DENND4A: variants seen among roughly 807,000 people sequenced by gnomAD.
The protein encoded by DENND4A is C-myc promoter-binding protein.
Under a neutral mutation model 199.3 loss-of-function variants are expected in DENND4A, and 70 were observed. That is an observed-to-expected ratio of 0.35 (90% CI 0.29 to 0.43). The LOEUF (loss-of-function observed/expected upper bound fraction) is 0.43, where lower values mean the gene tolerates loss of function less well. Among genes scored for constraint, DENND4A ranks in the 20% least tolerant of loss-of-function variants. The pLI is 1.00. For synonymous variants in DENND4A, 686 were observed against 766.9 expected (o/e 0.89, Z 1.74); for missense variants, 1,723 against 2,255.8 (o/e 0.76, Z 4.78).
chr15:65,669,232 G>A (rs564639114), intron 27 of DENND4A, among the ~76,000 whole-genome samples: 26 of 152,296 alleles, frequency 1.7e-4, no homozygotes, highest in South Asian at 1.0e-3. Flanking sequence ...TACCAATATG[G>A]CTTCATCTGT....
At chr15:65,709,719 A>AAAAAATATATAT (rs1218030026) in intron 14 of DENND4A, among the ~76,000 whole-genome samples, 14 of 51,472 alleles carry the variant, frequency 2.7e-4, no homozygotes, top group East Asian at 3.8e-3. Context: ...AAAAAAAAAA[A>AAAAAATATATAT]ATATATATAT....
chr15:65,661,744 C>T lies in DENND4A; in HGVS notation c.*107G>A. 9.9e-7 allele frequency: 1 copy of T among 1,006,028 alleles called. No homozygotes were observed. The highest frequency in any genetic ancestry group is 2.2e-5 in the South Asian group (1 of 45,062). 62.3% of individuals were successfully genotyped at this position (1,006,028 alleles called of 1,614,324 possible). On this transcript the variant is annotated 3_prime_UTR_variant, in exon 33 of 33. Transcript: ENST00000443035. Reference sequence around the variant, plus strand: ...CTGTCTGAGTCTTTTGAACCATTTACAAATTGTATTTTCAAAAATTGAAGA... The same window carrying T: ...CTGTCTGAGTCTTTTGAACCATTTATAAATTGTATTTTCAAAAATTGAAGA...
chr15:65,678,587 T>C lies in DENND4A; in HGVS notation c.4180-1953A>G, dbSNP rs181199006. Among the ~76,000 whole-genome samples the C allele has an allele frequency of 3.5e-4, 54 of 152,382 alleles. 1 individual carries two copies. In the East Asian group the frequency reaches 9.0e-3, roughly 26 times the overall value. On this transcript the variant is annotated intron_variant, in intron 23 of 32. Coordinates refer to ENST00000443035, the MANE Select transcript of DENND4A (RefSeq NM_001320835.1). ...CCAGGAAAGCTGTTTTACAAATGTT[T>C]GTTGTTTCTAGCCACCTTACCAGTT...
chr15:65,661,757 C>G lies in DENND4A; in HGVS notation c.*94G>C, dbSNP rs1294484439. On this transcript the variant is annotated 3_prime_UTR_variant, in exon 33 of 33. Coordinates refer to ENST00000443035, the MANE Select transcript of DENND4A (RefSeq NM_001320835.1). ...TTGAACCATTTACAAATTGTATTTT[C>G]AAAAATTGAAGAAAAAATATTTAGA... is the stretch of plus-strand genomic sequence containing the variant. The G allele has an allele frequency of 2.2e-5, 25 of 1,159,110 alleles. No individual in the cohort carries two copies. Among genetic ancestry groups the G allele is most frequent in the Non-Finnish European group, 2.8e-5 (24 of 853,468 alleles). 71.8% of individuals were successfully genotyped at this position (1,159,110 alleles called of 1,614,324 possible).
intron 30 of DENND4A, 152 bp from the exon 31 acceptor site, chr15:65,664,874 C>A: frequency 3.0e-6 from 2 of 655,948 alleles, no homozygotes; most frequent in African/African-American, 1.9e-5. Flanking sequence ...ATGAAGAAAG[C>A]AAAAAATAAG....
At chr15:65,787,336 A>G (rs554322572) in intron 1 of DENND4A, among the ~76,000 whole-genome samples, 1 of 152,340 alleles carries the variant, frequency 6.6e-6, no homozygotes, top group South Asian at 2.1e-4. Context: ...TTAACAAAGT[A>G]TATCAGAAAC....
chr15:65,757,741 G>T (rs1334844500), intron 2 of DENND4A, among the ~76,000 whole-genome samples: 1 of 152,152 alleles, frequency 6.6e-6, no homozygotes, highest in Non-Finnish European at 1.5e-5. Context: ...CCAGCATTTT[G>T]GGAGGCCGAG....
intron 1 of DENND4A, among the ~76,000 whole-genome samples, chr15:65,764,674 TA>T (rs780717776): frequency 2.7e-5 from 4 of 148,006 alleles, no homozygotes; most frequent in African/African-American, 7.5e-5. Context: ...TAAAAGAAAT[TA>T]AAAAAAAATA....
intron 9 of DENND4A, among the ~76,000 whole-genome samples, chr15:65,730,471 T>C (rs1326671092): frequency 1.3e-5 from 2 of 152,154 alleles, no homozygotes; most frequent in Non-Finnish European, 2.9e-5. Flanking sequence ...AATGTGGAAC[T>C]ATCCCAAATG....
chr15:65,779,641 G>C (rs1355100463), intron 1 of DENND4A, among the ~76,000 whole-genome samples: 3 of 150,610 alleles, frequency 2.0e-5, no homozygotes, highest in Non-Finnish European at 4.4e-5. Flanking sequence ...TGCCTGGCTA[G>C]CTAGGTGGTG....
intron 22 of DENND4A, among the ~76,000 whole-genome samples, chr15:65,692,600 C>T (rs2077011630): frequency 6.6e-6 from 1 of 152,172 alleles, no homozygotes; most frequent in African/African-American, 2.4e-5. Context: ...TAAAAGCCTA[C>T]ATCTAATATT....
intron 14 of DENND4A, among the ~76,000 whole-genome samples, chr15:65,709,380 AC>A (rs2075160640): frequency 6.6e-6 from 1 of 152,076 alleles, no homozygotes; most frequent in Admixed American, 6.5e-5. Context: ...GATACAATTA[AC>A]CTCTGCTCTA....
chr15:65,667,307 C>A, intron 29 of DENND4A, 142 bp downstream of exon 29: 1 of 1,032,556 alleles, frequency 9.7e-7, no homozygotes, highest in Non-Finnish European at 1.4e-6. Flanking sequence ...TCCAGCCTGG[C>A]GAAAGAGTGA....
Position 65,661,900 on chromosome 15 carries a change from CTTGGTGGTCTATCACAG to C in DENND4A, c.5658_5674del (p.Asn1886LysfsTer31). The C allele has an allele frequency of 6.2e-7, 1 of 1,612,852 alleles. No homozygotes were observed. The highest frequency in any genetic ancestry group is 8.5e-7 in the Non-Finnish European group (1 of 1,179,376). On this transcript the variant is annotated frameshift_variant, in exon 33 of 33. Coordinates refer to ENST00000443035, the MANE Select transcript of DENND4A (RefSeq NM_001320835.1). LOFTEE classifies it high-confidence loss of function. ...TTTTCGACATTCCATCACCCCTGTA[CTTGGTGGTCTATCACAG>C]TTGTGTGTACTCTTGACTTGACTAG...
Position 65,690,879 on chromosome 15 carries a change from T to A in DENND4A, c.3715A>T (p.Ile1239Phe). 1 of 1,611,300 alleles carries A rather than the reference T, an allele frequency of 6.2e-7. No homozygotes were observed. Among genetic ancestry groups the A allele is most frequent in the Non-Finnish European group, 8.5e-7 (1 of 1,178,834 alleles). Residue 1239 changes from isoleucine (I) to phenylalanine (F), a missense_variant, in exon 23 of 33, where the codon ATT becomes TTT. By Grantham distance (21) the Ile-to-Phe change is conservative. Around this residue, in one of 6 missense-constraint regions of DENND4A, gnomAD observed 650 missense variants for 738.1 expected, o/e 0.88. Transcript: ENST00000443035. ...EEEDEDDSKS[I>F]STPSARRDLA... The stretch of plus-strand genomic sequence containing the variant: ...TCACGCCTAGCAGATGGTGTTGAAA[T>A]GCTTTTGCTATCATCTTCATCCTCC...
intron 24 of DENND4A, among the ~76,000 whole-genome samples, chr15:65,673,567 C>A (rs533215728): frequency 1.2e-4 from 18 of 150,636 alleles, no homozygotes; most frequent in African/African-American, 4.4e-4. Flanking sequence ...ACACCACCAC[C>A]GGGATACAAT....
At chr15:65,736,237 T>G (rs1211978512) in intron 7 of DENND4A, among the ~76,000 whole-genome samples, 1 of 151,996 alleles carries the variant, frequency 6.6e-6, no homozygotes, top group East Asian at 1.9e-4. Flanking sequence ...ACCCAAAAAG[T>G]CAAACAGAAC....
chr15:65,665,342 T>C lies in DENND4A; in HGVS notation c.5359+3A>G, dbSNP rs2075999244. 6.2e-7 allele frequency: 1 copy of C among 1,609,076 alleles called. No homozygotes were observed. On this transcript the variant is annotated splice_donor_region_variant and intron_variant, in intron 30 of 32. Coordinates refer to ENST00000443035, the MANE Select transcript of DENND4A (RefSeq NM_001320835.1). ...AAAGTCAGCATTCTATGATGGCACT[T>C]ACTGTGTGCATTCCAGAGAATGTAC...
At chr15:65,663,204 T>TTA (rs1566978806) in intron 32 of DENND4A, among the ~76,000 whole-genome samples, 1 of 143,994 alleles carries the variant, frequency 6.9e-6, no homozygotes, top group African/African-American at 2.6e-5. Context: ...ATATATTTTT[T>TTA]TTTTTTTATT....
Sources: gnomAD v4.1 joint callset for allele counts (sites outside exome capture counted in the v4.1 genomes callset) on GRCh38, gnomAD v4.1.1 for gene constraint, gnomAD v4.1.1 regional missense constraint, MANE v1.5 for transcripts, NCBI Gene and HGNC (gene_info 2026-07-23, HGNC 2026-07-21) for gene names.